Variants in ACCSL observed in about 807,000 individuals in gnomAD.
The protein encoded by ACCSL is probable inactive 1-aminocyclopropane-1-carboxylate synthase-like protein 2.
In ACCSL, 55 loss-of-function variants were observed where a neutral mutation model predicts 61.7. The observed-to-expected ratio is 0.89, with a 90% CI of 0.72 to 1.12. The LOEUF is 1.12. ACCSL is among the 50% of genes most tolerant of loss of function. The probability of loss-of-function intolerance (pLI) is 0.00; values close to 1 mark genes in which losing one functional copy is unlikely to be tolerated. For missense variants in ACCSL, 632 were observed against 698.0 expected, an observed-to-expected ratio of 0.91 and a Z score of 1.07; for synonymous variants, 258 against 264.3, an observed-to-expected ratio of 0.98 and a Z score of 0.23.
At chr11:43,970,186 C>G in the ACCSL span, among the ~76,000 whole-genome samples, 1 of 151,930 alleles carries the variant, frequency 6.6e-6, no homozygotes, top group African/African-American at 2.4e-5. Flanking sequence ...GAGGATCGCT[C>G]GAGTGATCCT....
At chr11:43,927,650 C>T in the ACCSL span, among the ~76,000 whole-genome samples, 207 of 152,260 alleles carry the variant, frequency 1.4e-3, 1 homozygote, top group African/African-American at 4.9e-3. Context: ...AAAGTGGGGT[C>T]GCTGGCCCAG....
chr11:43,957,649 G>C, the ACCSL span, among the ~76,000 whole-genome samples: 2 of 152,158 alleles, frequency 1.3e-5, no homozygotes, highest in Non-Finnish European at 2.9e-5. Context: ...CTATATTTTG[G>C]AATAAAATAC....
the ACCSL span, among the ~76,000 whole-genome samples, chr11:43,999,796 A>G: frequency 6.6e-6 from 1 of 152,184 alleles, no homozygotes; most frequent in Non-Finnish European, 1.5e-5. Context: ...CCCATGTAGT[A>G]GGTATAATCT....
chr11:44,000,322 G>A, the ACCSL span, among the ~76,000 whole-genome samples: 1 of 151,928 alleles, frequency 6.6e-6, no homozygotes, highest in African/African-American at 2.4e-5. Context: ...ACAAGGTTTC[G>A]CCATGTTGGC....
the ACCSL span, among the ~76,000 whole-genome samples, chr11:43,939,651 C>T: frequency 6.6e-6 from 1 of 152,116 alleles, no homozygotes; most frequent in Non-Finnish European, 1.5e-5. Flanking sequence ...ACTCTGTCAC[C>T]CAGGCTGGAA....
At chr11:44,003,740 T>G in the ACCSL span, among the ~76,000 whole-genome samples, 4 of 152,140 alleles carry the variant, frequency 2.6e-5, no homozygotes, top group Non-Finnish European at 5.9e-5. Flanking sequence ...CTATCCCCAC[T>G]GGACAGTAAC....
chr11:44,006,880 T>A, the ACCSL span, among the ~76,000 whole-genome samples: 1 of 152,058 alleles, frequency 6.6e-6, no homozygotes, highest in Non-Finnish European at 1.5e-5. Context: ...AGCTAGTTGT[T>A]GATATTGTTG....
chr11:43,969,921 C>T, the ACCSL span, among the ~76,000 whole-genome samples: 1 of 152,060 alleles, frequency 6.6e-6, no homozygotes, highest in Non-Finnish European at 1.5e-5. Context: ...GATCTCTCTC[C>T]CCTACATACA....
At chr11:43,943,782 A>G in the ACCSL span, 2 of 1,304,024 alleles carry the variant, frequency 1.5e-6, no homozygotes, top group African/African-American at 1.5e-5. This position sits in a 1 kb window ranked among gnomAD's most constrained non-coding sequence, Gnocchi z 4.8. Context: ...TTATTTTTGC[A>G]TTGCGATGGC....
the ACCSL span, among the ~76,000 whole-genome samples, chr11:43,926,847 C>T: frequency 6.6e-6 from 1 of 152,142 alleles, no homozygotes; most frequent in Non-Finnish European, 1.5e-5. Context: ...CCTCCCCGGG[C>T]TCAGGTGATC....
At chr11:43,956,640 C>T in the ACCSL span, among the ~76,000 whole-genome samples, 2 of 152,216 alleles carry the variant, frequency 1.3e-5, no homozygotes, top group Admixed American at 1.3e-4. Context: ...AGGCTGGTCT[C>T]AATCTCCTGA....
At chr11:43,990,565 A>G in the ACCSL span, among the ~76,000 whole-genome samples, 3 of 152,190 alleles carry the variant, frequency 2.0e-5, no homozygotes, top group Admixed American at 2.0e-4. Flanking sequence ...ATTAAGTTTC[A>G]ACATATGAAT....
chr11:43,935,763 G>C, the ACCSL span, among the ~76,000 whole-genome samples: 2 of 152,282 alleles, frequency 1.3e-5, no homozygotes, highest in South Asian at 4.1e-4. Flanking sequence ...GAGTAACTGG[G>C]ACTGCAGACA....
chr11:44,042,063 A>G, the ACCSL span, among the ~76,000 whole-genome samples: 1 of 152,170 alleles, frequency 6.6e-6, no homozygotes, highest in Non-Finnish European at 1.5e-5. Flanking sequence ...TTATGGTGCC[A>G]TTGGATTCCA....
rs773153714 is a variant in ACCSL, at chr11:44,051,700, GGT to G, written c.754_755del (p.Val252SerfsTer3). The G allele has an allele frequency of 2.5e-6, 4 of 1,614,172 alleles. No individual in the cohort carries two copies. The Admixed American group carries it at 6.7e-5, about 27-fold the overall frequency. ...GCTCTGTCTTCTGTGCCCTGGCCAT[GGT>G]TCTGTGTGATCCAGGCGGTAAGTCA... ...CCSVFCALAM[V>X]LCDPGEAFLV... On this transcript the variant is annotated frameshift_variant, in exon 5 of 14. Coordinates refer to ENST00000378832, the MANE Select transcript of ACCSL (RefSeq NM_001031854.2). LOFTEE classifies it high-confidence loss of function.
chr11:43,926,976 G>A, the ACCSL span, among the ~76,000 whole-genome samples: 1 of 152,202 alleles, frequency 6.6e-6, no homozygotes, highest in Non-Finnish European at 1.5e-5. Flanking sequence ...GGAACTCCTG[G>A]GCTCAAGCGA....
At chr11:43,994,279 T>A in the ACCSL span, among the ~76,000 whole-genome samples, 7,484 of 152,294 alleles carry the variant, frequency 0.049, 417 homozygotes, top group East Asian at 0.32. Context: ...GGAAATATAG[T>A]CCTCACTGAT....
the ACCSL span, among the ~76,000 whole-genome samples, chr11:44,004,567 C>G: frequency 6.6e-6 from 1 of 152,192 alleles, no homozygotes. Context: ...TTTCTCCTTT[C>G]ATTCTCAGCC....
chr11:43,942,868 C>T, the ACCSL span: 28 of 1,253,116 alleles, frequency 2.2e-5, no homozygotes, highest in South Asian at 2.7e-5. Context: ...AGAGCCCCGG[C>T]GCCCCGCCGC....
Sources: allele counts gnomAD v4.1 joint callset (sites outside exome capture counted in the v4.1 genomes callset), GRCh38; gene constraint gnomAD v4.1.1; non-coding constraint Gnocchi (gnomAD v3.1); transcripts MANE v1.5; gene names NCBI Gene and HGNC (gene_info 2026-07-23, HGNC 2026-07-21).